Variants in LRP1B observed in about 807,000 individuals in gnomAD.
The protein encoded by LRP1B is low-density lipoprotein receptor-related protein 1B.
In LRP1B, 217 loss-of-function variants were observed where a neutral mutation model predicts 556.6. That is an observed-to-expected ratio of 0.39 (90% CI 0.35 to 0.44). The LOEUF (loss-of-function observed/expected upper bound fraction) is 0.44. Among genes scored for constraint, LRP1B ranks in the 20% least tolerant of loss-of-function variants. The pLI is 1.00. For synonymous variants in LRP1B, 2,047 were observed against 1,865.8 expected (o/e 1.10, Z -2.50); for missense variants, 5,053 against 5,620.8 (o/e 0.90, Z 3.23).
chr2:141,746,242 T>C (rs939562447), intron 2 of LRP1B, among the ~76,000 whole-genome samples: 2 of 152,114 alleles, frequency 1.3e-5, no homozygotes, highest in Non-Finnish European at 2.9e-5. Context: ...CTTTATGGCC[T>C]AGACTGCCTT....
At chr2:141,131,407 T>TTATATATATATATATATATATATATA (rs67661603) in intron 7 of LRP1B, among the ~76,000 whole-genome samples, 1,726 of 110,150 alleles carry the variant, frequency 0.016, 56 homozygotes, top group Non-Finnish European at 0.02. Flanking sequence ...ATGCATAAAG[T>TTATATATATATATATATATATATATA]TATATATATA....
At chr2:140,460,415 G>T (rs1398237886) in intron 60 of LRP1B, among the ~76,000 whole-genome samples, 1 of 152,160 alleles carries the variant, frequency 6.6e-6, no homozygotes, top group Admixed American at 6.5e-5. Flanking sequence ...AGGTATGAAA[G>T]AAACATTTAA....
At chr2:140,883,549 C>T (rs1693539165) in intron 25 of LRP1B, among the ~76,000 whole-genome samples, 1 of 146,564 alleles carries the variant, frequency 6.8e-6, no homozygotes, top group Non-Finnish European at 1.5e-5. Flanking sequence ...GGGCCTAATG[C>T]CCACATTTAG....
At chr2:140,714,799 G>A (rs1687152665) in intron 37 of LRP1B, among the ~76,000 whole-genome samples, 1 of 152,036 alleles carries the variant, frequency 6.6e-6, no homozygotes, top group South Asian at 2.1e-4. Flanking sequence ...GTCCAACACT[G>A]TGATTGCACC....
chr2:141,977,131 TAAATC>T (rs1280495758), intron 1 of LRP1B, among the ~76,000 whole-genome samples: 1 of 152,176 alleles, frequency 6.6e-6, no homozygotes, highest in Non-Finnish European at 1.5e-5. Context: ...AACTCAGAAA[TAAATC>T]AACTTTAAAC....
rs546407046 is a variant in LRP1B at position 140,956,770 on chromosome 2, C to T, written c.2888-4830G>A. 4.6e-5 allele frequency among the ~76,000 whole-genome samples: 7 copies of T among 151,778 alleles called. No individual in the cohort carries two copies. The South Asian group carries it at 6.2e-4, about 13-fold the overall frequency. ...GCCACATACAAAAAACAAGGCTTTG[C>T]GGGCAGGTAAATGTGGGTTCAAATC... On this transcript the variant is annotated intron_variant, in intron 18 of 90. Coordinates refer to ENST00000389484, the MANE Select transcript of LRP1B (RefSeq NM_018557.3).
chr2:141,843,979 GCTTT>G (rs1366523925), intron 1 of LRP1B, among the ~76,000 whole-genome samples: 2 of 152,102 alleles, frequency 1.3e-5, no homozygotes, highest in Non-Finnish European at 2.9e-5. Context: ...GGATCCTAAG[GCTTT>G]CATTCACTCC....
At chr2:140,879,132 A>G (rs1693396266) in intron 25 of LRP1B, among the ~76,000 whole-genome samples, 2 of 152,328 alleles carry the variant, frequency 1.3e-5, no homozygotes, top group South Asian at 4.1e-4. Context: ...CTCTGCAATG[A>G]TAACACAAAG....
At chr2:141,016,724 G>GT (rs757336509) in intron 12 of LRP1B, among the ~76,000 whole-genome samples, 10 of 152,080 alleles carry the variant, frequency 6.6e-5, no homozygotes, top group Non-Finnish European at 1.5e-4. Flanking sequence ...CACATGTGTT[G>GT]TTTTAGGGTC....
chr2:140,848,683 T>C (rs545087769), intron 29 of LRP1B, among the ~76,000 whole-genome samples: 4 of 152,300 alleles, frequency 2.6e-5, no homozygotes, highest in African/African-American at 7.2e-5. Flanking sequence ...CTCCAAATCC[T>C]TCTACCAAAT....
chr2:141,436,386 A>G (rs4563159), intron 3 of LRP1B, among the ~76,000 whole-genome samples: 38,761 of 152,072 alleles, frequency 0.25, 5,356 homozygotes, highest in East Asian at 0.54. Flanking sequence ...GAAACAGAGA[A>G]TAGAATGGTG....
intron 2 of LRP1B, among the ~76,000 whole-genome samples, chr2:141,591,355 GT>G (rs59759554): frequency 0.55 from 66,373 of 121,398 alleles, 16,160 homozygotes; most frequent in East Asian, 0.76. Context: ...TTTTGTTGTT[GT>G]TTGTTTGTTT....
At position 140,853,446 on chromosome 2, in the gene LRP1B, G is replaced by A. The variant is rs539838256; in HGVS notation, c.4580-1663C>T. 1.6e-4 allele frequency among the ~76,000 whole-genome samples: 25 copies of A among 152,046 alleles called. No homozygotes were observed. The South Asian group carries it at 3.9e-3, about 24-fold the overall frequency. Reference sequence around the variant, plus strand: ...TACTTTTTTGGGTAATCTGTCTTTCGTTACAGACCTCAGCCATGAACCTGA... The same window carrying A: ...TACTTTTTTGGGTAATCTGTCTTTCATTACAGACCTCAGCCATGAACCTGA... On this transcript the variant is annotated intron_variant, in intron 27 of 90. Coordinates refer to ENST00000389484, the MANE Select transcript of LRP1B (RefSeq NM_018557.3).
At chr2:141,224,440 T>C (rs1683167520) in intron 6 of LRP1B, among the ~76,000 whole-genome samples, 1 of 152,130 alleles carries the variant, frequency 6.6e-6, no homozygotes, top group Non-Finnish European at 1.5e-5. Flanking sequence ...CTCAAAGACC[T>C]AGAACCAGAA....
chr2:140,494,755 A>G (rs766984202), intron 56 of LRP1B, among the ~76,000 whole-genome samples: 27 of 152,060 alleles, frequency 1.8e-4, no homozygotes, highest in Admixed American at 8.5e-4. Context: ...AAAAAAACCC[A>G]TATTTTAAAA....
chr2:141,573,219 G>A (rs1686599806), intron 2 of LRP1B, among the ~76,000 whole-genome samples: 1 of 152,096 alleles, frequency 6.6e-6, no homozygotes, highest in Admixed American at 6.5e-5. Flanking sequence ...CTCAGCAAAT[G>A]CAAAATAACT....
chr2:140,604,908 T>C (rs1682812386), intron 41 of LRP1B, among the ~76,000 whole-genome samples: 2 of 152,168 alleles, frequency 1.3e-5, no homozygotes, highest in East Asian at 3.9e-4. Context: ...TGTCACCATG[T>C]AAGATGTGCC....
intron 2 of LRP1B, among the ~76,000 whole-genome samples, chr2:141,541,483 T>C (rs1685258692): frequency 6.6e-6 from 1 of 152,048 alleles, no homozygotes; most frequent in Non-Finnish European, 1.5e-5. Context: ...GTCCAGCGTG[T>C]TCATGAAGTG....
intron 3 of LRP1B, among the ~76,000 whole-genome samples, chr2:141,274,295 A>AC (rs1433196372): frequency 6.6e-6 from 1 of 152,222 alleles, no homozygotes. Flanking sequence ...AAAACTGGAA[A>AC]CAATTCAAGA....
Sources: gnomAD v4.1 joint callset for allele counts (sites outside exome capture counted in the v4.1 genomes callset) on GRCh38, gnomAD v4.1.1 for gene constraint, MANE v1.5 for transcripts, NCBI Gene and HGNC (gene_info 2026-07-23, HGNC 2026-07-21) for gene names.